Variants in RELN observed in about 807,000 individuals in gnomAD.
RELN encodes the protein reelin.
A neutral mutation model predicts 427.6 loss-of-function variants in RELN; 108 were observed. That is an observed-to-expected ratio of 0.25 (90% confidence interval 0.22 to 0.30). RELN has a LOEUF of 0.30. RELN is among the 10% of genes least tolerant of loss of function. RELN has a pLI of 1.00. For missense variants in RELN, 3,715 were observed against 4,302.8 expected (o/e 0.86, Z 3.82); for synonymous variants, 1,524 against 1,513.4 (o/e 1.01, Z -0.16).
At chr7:103,703,492 G>A (rs906376368) in intron 8 of RELN, among the ~76,000 whole-genome samples, 1 of 152,062 alleles carries the variant, frequency 6.6e-6, no homozygotes, top group Non-Finnish European at 1.5e-5. Flanking sequence ...TGTCACTCCT[G>A]GCTCCCTGTA....
intron 20 of RELN, among the ~76,000 whole-genome samples, chr7:103,622,456 G>T (rs75922259): frequency 0.04 from 6,128 of 152,124 alleles, 168 homozygotes; most frequent in East Asian, 0.14. Flanking sequence ...TTCTCCACAA[G>T]GCAACCACAA....
At chr7:103,778,350 T>C (rs1483108654) in intron 3 of RELN, among the ~76,000 whole-genome samples, 1 of 152,174 alleles carries the variant, frequency 6.6e-6, no homozygotes, top group African/African-American at 2.4e-5. Context: ...GACATTTGCT[T>C]TGGAAGGGAC....
At chr7:103,946,188 C>A (rs1796216915) in intron 1 of RELN, among the ~76,000 whole-genome samples, 1 of 152,060 alleles carries the variant, frequency 6.6e-6, no homozygotes, top group Non-Finnish European at 1.5e-5. Context: ...TAGTAGAACA[C>A]CTAAAAATTG....
chr7:103,515,081 C>G, intron 50 of RELN, 104 bp downstream of exon 50: 1 of 1,411,590 alleles, frequency 7.1e-7, no homozygotes, highest in Non-Finnish European at 9.9e-7. Flanking sequence ...TTCTACACCA[C>G]TGGAACATCT....
chr7:103,728,302 C>G (rs1444478666), intron 6 of RELN, 95 bp from the exon 7 acceptor site: 1 of 1,159,302 alleles, frequency 8.6e-7, no homozygotes, highest in African/African-American at 1.5e-5. Flanking sequence ...TATTGTTACT[C>G]AGCTCAAATC....
At chr7:103,623,085 T>C (rs1341499897) in intron 20 of RELN, among the ~76,000 whole-genome samples, 2 of 152,250 alleles carry the variant, frequency 1.3e-5, no homozygotes, top group Non-Finnish European at 1.5e-5. Context: ...AGCCATTTTA[T>C]AGAGGCACTG....
intron 3 of RELN, among the ~76,000 whole-genome samples, chr7:103,776,945 G>T (rs1791758874): frequency 6.6e-6 from 1 of 152,178 alleles, no homozygotes; most frequent in Admixed American, 6.5e-5. Context: ...TTCTTCAGGA[G>T]CCTTTGATAT....
At chr7:103,761,735 C>T (rs6944147) in intron 4 of RELN, among the ~76,000 whole-genome samples, 26,508 of 152,056 alleles carry the variant, frequency 0.17, 2,462 homozygotes, top group Middle Eastern at 0.33. Context: ...GGATTACAGG[C>T]GTGAGCCACC....
At position 103,583,282 on chromosome 7, in the gene RELN, A is replaced by G. The variant is rs989430657; in HGVS notation, c.4145+6314T>C. ...GTCTCCAACTTGCAGATGGTCTATC[A>G]CGGAACTAGTTAGCCACCATAATCG... On this transcript the variant is annotated intron_variant, in intron 28 of 64. Transcript: ENST00000428762. Among the ~76,000 whole-genome samples the G allele has an allele frequency of 2.0e-5, 3 of 152,280 alleles. No homozygotes were observed. The East Asian group carries it at 5.8e-4, about 29-fold the overall frequency.
chr7:103,504,628 C>T (rs1451373862), intron 51 of RELN: 1 of 152,376 alleles, frequency 6.6e-6, no homozygotes, highest in Non-Finnish European at 1.5e-5. Context: ...CAGAGTGTGG[C>T]AGAACCACAA....
Position 103,540,258 on chromosome 7 carries a change from C to T in RELN, c.6869G>A (p.Arg2290His), listed in dbSNP as rs1035646248. ...CTCAGACGGTTGCCACCAGCGAAGG[C>T]GAGTAGAACCAGAACGGGCTTTCAA... is the stretch of plus-strand genomic sequence containing the variant. ...IPLKARSGST[R>H]LRWWQPSENG... Residue 2290 changes from arginine (R) to histidine (H), a missense_variant, in exon 44 of 65, where the codon CGC becomes CAC. This residue lies in a region of RELN where 1,310 missense variants were observed against 1,643.0 expected (regional missense o/e 0.80). Coordinates refer to ENST00000428762, the MANE Select transcript of RELN (RefSeq NM_005045.4). 5.6e-6 allele frequency: 9 copies of T among 1,614,024 alleles called. No individual in the cohort carries two copies. Among genetic ancestry groups the T allele is most frequent in the Non-Finnish European group, 6.8e-6 (8 of 1,180,022 alleles).
chr7:103,712,734 T>C (rs2115855441), intron 8 of RELN, among the ~76,000 whole-genome samples: 1 of 152,382 alleles, frequency 6.6e-6, no homozygotes, highest in Non-Finnish European at 1.5e-5. Flanking sequence ...AACTGGCTTG[T>C]GATATCTCCA....
At chr7:103,662,404 G>A (rs147204211) in intron 11 of RELN, among the ~76,000 whole-genome samples, 2 of 152,162 alleles carry the variant, frequency 1.3e-5, no homozygotes, top group East Asian at 1.9e-4. Context: ...GGCGGATCAC[G>A]AGGTCAGGAG....
intron 35 of RELN, 37 bp from the exon 36 acceptor site, chr7:103,561,746 A>G: frequency 6.2e-7 from 1 of 1,613,738 alleles, no homozygotes; most frequent in Admixed American, 1.7e-5. Flanking sequence ...GACATTTGTC[A>G]CACGTTCAAC....
intron 49 of RELN, among the ~76,000 whole-genome samples, chr7:103,518,505 G>GTTTTTTGTTTTTTTTTTTTTTT (rs1829625568): frequency 8.7e-6 from 1 of 114,404 alleles, no homozygotes; most frequent in African/African-American, 4.6e-5. Context: ...GGTAATTTAA[G>GTTTTTTGTTTTTTTTTTTTTTT]TTTTTTTTTT....
chr7:103,613,647 T>G (rs919160599), intron 20 of RELN, among the ~76,000 whole-genome samples: 1 of 152,132 alleles, frequency 6.6e-6, no homozygotes, highest in African/African-American at 2.4e-5. Flanking sequence ...CTCTCTAAAA[T>G]CCTTTATGAG....
At position 103,700,951 on chromosome 7, in the gene RELN, G is replaced by A. The variant is rs756648249; in HGVS notation, c.861C>T (p.Ala287=). Residue 287 remains alanine (A), a synonymous_variant, in exon 9 of 65, where the codon GCC becomes GCT. Coordinates refer to ENST00000428762, the MANE Select transcript of RELN (RefSeq NM_005045.4). ...YSDPSIIVLY[A]KNNSADWIQL... ...GAATCCAGTCCGCAGAGTTATTCTTGGCATATAACACGATGATGCTGGGGT... is the reference window on the plus strand; with the variant it reads ...GAATCCAGTCCGCAGAGTTATTCTTAGCATATAACACGATGATGCTGGGGT... The A allele has an allele frequency of 2.5e-6, 4 of 1,611,906 alleles. No homozygotes were observed. Among genetic ancestry groups the A allele is most frequent in the Non-Finnish European group, 3.4e-6 (4 of 1,178,250 alleles).
chr7:103,891,640 AC>A (rs1452115740), intron 2 of RELN, among the ~76,000 whole-genome samples: 1 of 151,958 alleles, frequency 6.6e-6, no homozygotes, highest in Non-Finnish European at 1.5e-5. Flanking sequence ...GAATTGTTGC[AC>A]CTGTGAAGTT....
intron 20 of RELN, among the ~76,000 whole-genome samples, chr7:103,623,685 T>C (rs1479016138): frequency 1.3e-5 from 2 of 152,204 alleles, no homozygotes; most frequent in Non-Finnish European, 2.9e-5. Flanking sequence ...CAAACACATA[T>C]TCCTATTTCA....
Sources: gnomAD v4.1 joint callset for allele counts (sites outside exome capture counted in the v4.1 genomes callset) on GRCh38, gnomAD v4.1.1 for gene constraint, gnomAD v4.1.1 regional missense constraint, MANE v1.5 for transcripts, NCBI Gene and HGNC (gene_info 2026-07-23, HGNC 2026-07-21) for gene names.